The following WDR88 variants were observed in gnomAD, a reference collection of about 807,000 sequenced individuals.
WDR88 encodes WD repeat-containing protein 88.
WDR88 carries 40 observed loss-of-function variants against 46.8 expected under a neutral mutation model. That is an observed-to-expected ratio of 0.86 (90% confidence interval 0.66 to 1.11). The LOEUF is 1.11. Among genes scored for constraint, WDR88 ranks in the 50% most tolerant of loss-of-function variants. The probability of loss-of-function intolerance (pLI) is 0.00; values close to 1 mark genes in which losing one functional copy is unlikely to be tolerated. For missense variants in WDR88, 562 were observed against 602.4 expected, an observed-to-expected ratio of 0.93 and a Z score of 0.70; for synonymous variants, 235 against 240.7, an observed-to-expected ratio of 0.98 and a Z score of 0.22.
At chr19:33,133,232 AAAAG>A (rs1377926632) in intron 1 of WDR88, among the ~76,000 whole-genome samples, 52 of 147,106 alleles carry the variant, frequency 3.5e-4, no homozygotes, top group African/African-American at 8.6e-4. Context: ...AAGAAAAAGA[AAAAG>A]AAAGAAAGAA....
chr19:33,138,870 C>T (rs532343398), intron 2 of WDR88, among the ~76,000 whole-genome samples: 69 of 151,804 alleles, frequency 4.5e-4, no homozygotes, highest in Non-Finnish European at 7.8e-4. Context: ...TTAGTAGAGA[C>T]AGGGTTTCAC....
intron 2 of WDR88, among the ~76,000 whole-genome samples, chr19:33,140,438 G>T (rs1040978269): frequency 2.0e-5 from 3 of 152,162 alleles, no homozygotes; most frequent in Admixed American, 6.6e-5. Context: ...GGAACTTCAG[G>T]CATGGGCCAC....
chr19:33,147,575 C>G, intron 3 of WDR88, 70 bp from the exon 4 acceptor site: 1 of 1,505,618 alleles, frequency 6.6e-7, no homozygotes, highest in Non-Finnish European at 9.2e-7. Context: ...TGCACTCCAG[C>G]TGGGGCAACA....
chr19:33,172,214 A>G lies in WDR88; in HGVS notation c.1150-134A>G, dbSNP rs1974049581. ...GCCTCTTCAGGTTGGCTTCTATGGC[A>G]TAACAATGTGCATTGAAGGTTCCTC... is the stretch of plus-strand genomic sequence containing the variant. On this transcript the variant is annotated intron_variant, in intron 9 of 10. Coordinates refer to ENST00000355868, the MANE Select transcript of WDR88 (RefSeq NM_173479.4). The G allele has an allele frequency of 9.7e-6, 7 of 718,418 alleles. No individual in the cohort carries two copies. In the South Asian group the frequency reaches 1.1e-4, roughly 12 times the overall value. 44.5% of individuals were successfully genotyped at this position (718,418 alleles called of 1,614,324 possible).
chr19:33,150,344 C>T (rs1006464116), intron 5 of WDR88, among the ~76,000 whole-genome samples: 8 of 152,188 alleles, frequency 5.3e-5, no homozygotes, highest in South Asian at 2.1e-4. Flanking sequence ...CCCAGCTACT[C>T]GGGAGGCTGA....
At position 33,139,489 on chromosome 19, in the gene WDR88, C is replaced by T. The variant is rs184600853; in HGVS notation, c.387+1702C>T. 2.3e-3 allele frequency among the ~76,000 whole-genome samples: 352 copies of T among 152,212 alleles called. 1 individual carries two copies. The highest frequency in any genetic ancestry group is 8.2e-3 in the African/African-American group (341 of 41,516). On this transcript the variant is annotated intron_variant, in intron 2 of 10. Transcript: ENST00000355868. ...GAGTGGAGGGAGTTGAGGCTGGTTC[C>T]TGGGTTCTGGTTTGGGTAACGGGGA...
At chr19:33,163,732 C>T (rs574750857) in intron 8 of WDR88, among the ~76,000 whole-genome samples, 18 of 150,934 alleles carry the variant, frequency 1.2e-4, no homozygotes, top group Non-Finnish European at 1.8e-4. Context: ...CCCCGGGCTC[C>T]GGTGACTCTC....
chr19:33,158,379 C>T (rs578134866), intron 7 of WDR88, among the ~76,000 whole-genome samples: 2 of 152,082 alleles, frequency 1.3e-5, no homozygotes, highest in Admixed American at 1.3e-4. Flanking sequence ...AATTGTGCCA[C>T]TGCGCTCCTA....
intron 3 of WDR88, 93 bp downstream of exon 3, chr19:33,145,025 G>A (rs1341057581): frequency 3.1e-5 from 38 of 1,218,108 alleles, no homozygotes; most frequent in Admixed American, 1.2e-4. Flanking sequence ...TTTGTTTTAA[G>A]TAATAGATAT....
In WDR88 at chr19:33,144,892, G is replaced by T. The variant is rs1294613845; in HGVS notation, c.436G>T (p.Ala146Ser). 1 of 1,613,672 alleles carries T rather than the reference G, an allele frequency of 6.2e-7. No homozygotes were observed. Among genetic ancestry groups the T allele is most frequent in the African/African-American group, 1.3e-5 (1 of 74,922 alleles). Reference sequence around the variant, plus strand: ...TCGCGATTTTGAGCACAGGCCCAAAGCTCCTGTTGTAGAGTGCAGCATCAC... The same window carrying T: ...TCGCGATTTTGAGCACAGGCCCAAATCTCCTGTTGTAGAGTGCAGCATCAC... ...VVRDFEHRPKAPVVECSITGD... is the reference protein window; with the variant it reads ...VVRDFEHRPKSPVVECSITGD... Residue 146 changes from alanine (A) to serine (S), a missense_variant, in exon 3 of 11, where the codon GCT becomes TCT. Coordinates refer to ENST00000355868, the MANE Select transcript of WDR88 (RefSeq NM_173479.4).
intron 9 of WDR88, among the ~76,000 whole-genome samples, chr19:33,165,479 TA>T (rs1160217036): frequency 6.6e-6 from 1 of 152,232 alleles, no homozygotes; most frequent in East Asian, 1.9e-4. Flanking sequence ...CATTATTTTA[TA>T]TTTTTTACTT....
At chr19:33,167,566 G>A (rs1055797633) in intron 9 of WDR88, among the ~76,000 whole-genome samples, 13 of 151,958 alleles carry the variant, frequency 8.6e-5, no homozygotes, top group Non-Finnish European at 1.8e-4. Context: ...AGTGCTAGCC[G>A]GAGCTATCAG....
At chr19:33,133,263 AC>A (rs199497931) in intron 1 of WDR88, among the ~76,000 whole-genome samples, 3,439 of 151,432 alleles carry the variant, frequency 0.023, 125 homozygotes, top group African/African-American at 0.08. Context: ...AGAAAGAAAA[AC>A]TGGCTGGGTG....
intron 9 of WDR88, among the ~76,000 whole-genome samples, chr19:33,165,710 TG>T (rs746844748): frequency 1.8e-4 from 28 of 151,390 alleles, no homozygotes; most frequent in Non-Finnish European, 4.0e-4. Flanking sequence ...CTGGCCAACG[TG>T]GTGAAGCCCC....
At chr19:33,162,859 G>C (rs567137616) in intron 8 of WDR88, among the ~76,000 whole-genome samples, 1 of 147,816 alleles carries the variant, frequency 6.8e-6, no homozygotes, top group Admixed American at 6.8e-5. Flanking sequence ...TCCAGCCTGG[G>C]GGACAGAGTA....
chr19:33,165,560 T>G (rs1230525406), intron 9 of WDR88, among the ~76,000 whole-genome samples: 1 of 152,152 alleles, frequency 6.6e-6, no homozygotes, highest in Non-Finnish European at 1.5e-5. Flanking sequence ...TAGTAGTAAT[T>G]AACAGTAGGG....
chr19:33,156,076 T>C (rs1973728626), intron 6 of WDR88, among the ~76,000 whole-genome samples: 1 of 152,222 alleles, frequency 6.6e-6, no homozygotes, highest in African/African-American at 2.4e-5. Context: ...TTATTATTTT[T>C]CTAAAAATTG....
At chr19:33,155,222 C>T (rs1973711399) in intron 6 of WDR88, among the ~76,000 whole-genome samples, 1 of 152,074 alleles carries the variant, frequency 6.6e-6, no homozygotes, top group Non-Finnish European at 1.5e-5. Flanking sequence ...CTCACTGCAA[C>T]CTCCACCTCC....
chr19:33,169,867 T>C (rs1974009443), intron 9 of WDR88, among the ~76,000 whole-genome samples: 1 of 152,050 alleles, frequency 6.6e-6, no homozygotes, highest in Non-Finnish European at 1.5e-5. Context: ...ATGTGCATTA[T>C]TTATTTATTT....
Sources: gnomAD v4.1 joint callset for allele counts (sites outside exome capture counted in the v4.1 genomes callset) on GRCh38, gnomAD v4.1.1 for gene constraint, MANE v1.5 for transcripts, NCBI Gene and HGNC (gene_info 2026-07-23, HGNC 2026-07-21) for gene names.